Variants in TBC1D32 observed in about 807,000 individuals in gnomAD.
TBC1D32 encodes TBC1 domain family member 32.
In TBC1D32, 151 loss-of-function variants were observed where a neutral mutation model predicts 170.3. The observed-to-expected ratio is 0.89, with a 90% CI of 0.78 to 1.01. TBC1D32 has a LOEUF of 1.01. Ranked by LOEUF, TBC1D32 falls within the 50% of genes least tolerant of loss-of-function variation. The pLI, the probability that TBC1D32 is intolerant of heterozygous loss-of-function variation, is 0.00. For synonymous variants in TBC1D32, 498 were observed against 488.0 expected, an observed-to-expected ratio of 1.02 and a Z score of -0.27; for missense variants, 1,464 against 1,457.1, an observed-to-expected ratio of 1.00 and a Z score of -0.08.
intron 5 of TBC1D32, among the ~76,000 whole-genome samples, chr6:121,305,858 A>G (rs992400683): frequency 1.3e-5 from 2 of 152,114 alleles, no homozygotes; most frequent in Non-Finnish European, 1.5e-5. Flanking sequence ...TTCTACTTCA[A>G]AATGACTAAT....
intron 19 of TBC1D32, 47 bp downstream of exon 19, chr6:121,241,418 T>TTTTA: frequency 6.6e-7 from 1 of 1,515,942 alleles, no homozygotes; most frequent in Non-Finnish European, 9.0e-7. Flanking sequence ...GGCTTGCTCA[T>TTTTA]TTTATCTTTA....
intron 31 of TBC1D32, among the ~76,000 whole-genome samples, chr6:121,085,182 T>C (rs1338094535): frequency 6.7e-6 from 1 of 149,728 alleles, no homozygotes; most frequent in Non-Finnish European, 1.5e-5. Context: ...ATAATCTTTT[T>C]GTGTGTTGTG....
At chr6:121,215,907 T>A (rs781307564) in intron 21 of TBC1D32, among the ~76,000 whole-genome samples, 1 of 152,094 alleles carries the variant, frequency 6.6e-6, no homozygotes, top group Non-Finnish European at 1.5e-5. Context: ...TTGCTGAGAG[T>A]ATAAATTAGT....
At chr6:121,241,661 T>C in intron 18 of TBC1D32, 109 bp from the exon 19 acceptor site, 1 of 917,568 alleles carries the variant, frequency 1.1e-6, no homozygotes. Context: ...GAAAAATATT[T>C]TAAAATCATA....
At chr6:121,147,781 A>T (rs1321685906) in intron 24 of TBC1D32, among the ~76,000 whole-genome samples, 1 of 151,960 alleles carries the variant, frequency 6.6e-6, no homozygotes, top group African/African-American at 2.4e-5. Context: ...TTTAGTAGAG[A>T]CAGGGTTTAA....
At chr6:121,105,067 A>T (rs1275167067) in intron 30 of TBC1D32, among the ~76,000 whole-genome samples, 1 of 151,906 alleles carries the variant, frequency 6.6e-6, no homozygotes, top group African/African-American at 2.4e-5. Context: ...AGCAATTTGG[A>T]CAGTTGTTGC....
At chr6:121,130,584 C>T (rs1781336009) in intron 25 of TBC1D32, among the ~76,000 whole-genome samples, 1 of 152,152 alleles carries the variant, frequency 6.6e-6, no homozygotes, top group African/African-American at 2.4e-5. Flanking sequence ...TAATGTTCTA[C>T]ATGTTTGTCC....
In TBC1D32 at chr6:121,115,236, C is replaced by A. The variant is rs767335733; in HGVS notation, c.2989G>T (p.Asp997Tyr). 113 of 1,597,296 alleles carry A rather than the reference C, an allele frequency of 7.1e-5. No individual in the cohort carries two copies. The highest frequency in any genetic ancestry group is 9.4e-5 in the Non-Finnish European group (110 of 1,170,302). Reference sequence around the variant, plus strand: ...AGACTTTCATTCTTCACATTTGCATCAGTAGCTAAAGACAACAGAAAACTG... The same window carrying A: ...AGACTTTCATTCTTCACATTTGCATAAGTAGCTAAAGACAACAGAAAACTG... ...YFPSVEYTAT[D>Y]ANVKNESLSS... Residue 997 changes from aspartate to tyrosine, a missense_variant, in exon 27 of 32, where the codon GAT becomes TAT. Asp to Tyr is a radical substitution (Grantham distance 160). This residue lies in a region of TBC1D32 where 1,363 missense variants were observed against 1,338.1 expected (regional missense o/e 1.02). Transcript: ENST00000398212.
chr6:121,100,603 T>G (rs1380284860), intron 30 of TBC1D32, among the ~76,000 whole-genome samples: 1 of 152,016 alleles, frequency 6.6e-6, no homozygotes. Context: ...AGAGGGAAAT[T>G]TATAGCACTA....
At chr6:121,305,246 G>A (rs1208635876) in intron 5 of TBC1D32, among the ~76,000 whole-genome samples, 1 of 151,948 alleles carries the variant, frequency 6.6e-6, no homozygotes, top group Non-Finnish European at 1.5e-5. Context: ...AGTAATTAGA[G>A]ATTTAGAATT....
At chr6:121,194,413 T>C (rs1200498350) in intron 22 of TBC1D32, among the ~76,000 whole-genome samples, 1 of 152,188 alleles carries the variant, frequency 6.6e-6, no homozygotes, top group African/African-American at 2.4e-5. Context: ...CGGAGATTAG[T>C]GCCACCATGA....
chr6:121,218,165 G>A (rs1037719491), intron 21 of TBC1D32, among the ~76,000 whole-genome samples: 1 of 152,094 alleles, frequency 6.6e-6, no homozygotes, highest in African/African-American at 2.4e-5. Flanking sequence ...GGAGGCCATA[G>A]GACAAACAAA....
At chr6:121,131,784 A>T (rs748612011) in intron 24 of TBC1D32, 32 bp from the exon 25 acceptor site, 1 of 1,524,114 alleles carries the variant, frequency 6.6e-7, no homozygotes, top group South Asian at 1.2e-5. Context: ...TATTATAATA[A>T]GACATGCTAG....
intron 31 of TBC1D32, among the ~76,000 whole-genome samples, chr6:121,088,825 T>G (rs1776514588): frequency 6.6e-6 from 1 of 152,204 alleles, no homozygotes; most frequent in South Asian, 2.1e-4. Context: ...CTATTCAAAT[T>G]TTAGTAATTT....
intron 25 of TBC1D32, among the ~76,000 whole-genome samples, 169 bp downstream of exon 25, chr6:121,131,458 A>G (rs1306615981): frequency 6.6e-6 from 1 of 152,030 alleles, no homozygotes; most frequent in African/African-American, 2.4e-5. Context: ...GTAGTGTCTC[A>G]TATTTTAATT....
chr6:121,283,414 G>A (rs1803327209), intron 13 of TBC1D32, among the ~76,000 whole-genome samples: 1 of 151,578 alleles, frequency 6.6e-6, no homozygotes, highest in Non-Finnish European at 1.5e-5. Flanking sequence ...TGAAAAGATT[G>A]GAGTTTTGGA....
At chr6:121,302,109 T>A (rs1430657711) in intron 9 of TBC1D32, among the ~76,000 whole-genome samples, 1 of 152,196 alleles carries the variant, frequency 6.6e-6, no homozygotes, top group Non-Finnish European at 1.5e-5. Context: ...ATTGACCATG[T>A]TCTGAAAAGA....
intron 21 of TBC1D32, among the ~76,000 whole-genome samples, chr6:121,206,685 T>C (rs1371174139): frequency 6.6e-6 from 1 of 152,194 alleles, no homozygotes; most frequent in African/African-American, 2.4e-5. Flanking sequence ...TGTAGAAGTG[T>C]GTAAATAATA....
At chr6:121,107,559 G>A (rs576107967) in intron 29 of TBC1D32, among the ~76,000 whole-genome samples, 19 of 151,920 alleles carry the variant, frequency 1.3e-4, no homozygotes, top group Middle Eastern at 3.4e-3. Flanking sequence ...TTTTTACTGA[G>A]TTGTTAAAAT....
Sources: gnomAD v4.1 joint callset for allele counts (sites outside exome capture counted in the v4.1 genomes callset) on GRCh38, gnomAD v4.1.1 for gene constraint, gnomAD v4.1.1 regional missense constraint, MANE v1.5 for transcripts, NCBI Gene and HGNC (gene_info 2026-07-23, HGNC 2026-07-21) for gene names.